Variants in KCNAB2 observed in about 807,000 individuals in gnomAD.
KCNAB2 encodes the protein voltage-gated potassium channel subunit beta-2.
KCNAB2 carries 29 observed loss-of-function variants against 63.6 expected under a neutral mutation model. The observed-to-expected ratio is 0.46, with a 90% CI of 0.34 to 0.62. The LOEUF is 0.62. KCNAB2 is among the 20% of genes least tolerant of loss of function. The pLI is 0.01. For missense variants in KCNAB2, 359 were observed against 563.9 expected (o/e 0.64, Z 3.68); for synonymous variants, 222 against 224.2 (o/e 0.99, Z 0.09).
intron 11 of KCNAB2, 24 bp downstream of exon 11, chr1:6,094,509 T>C: frequency 3.1e-6 from 5 of 1,588,242 alleles, no homozygotes; most frequent in Non-Finnish European, 4.3e-6. Flanking sequence ...GCAGCATGTG[T>C]GTGTCCAGGC....
chr1:6,085,537 A>C (rs1442651100), intron 6 of KCNAB2, among the ~76,000 whole-genome samples: 2 of 152,136 alleles, frequency 1.3e-5, no homozygotes, highest in East Asian at 3.9e-4. Context: ...CCCTGCTTGC[A>C]AAGTGTCAGG....
intron 1 of KCNAB2, among the ~76,000 whole-genome samples, chr1:5,996,802 A>T (rs1656967229): frequency 6.6e-6 from 1 of 152,168 alleles, no homozygotes; most frequent in Non-Finnish European, 1.5e-5. Flanking sequence ...AGCAGCCGAG[A>T]TCTATCATCC....
Position 6,086,059 on chromosome 1 carries a change from T to C in KCNAB2, c.425+811T>C. The C allele has an allele frequency of 1.0e-6, 1 of 985,446 alleles. No individual in the cohort carries two copies. The highest frequency in any genetic ancestry group is 1.2e-6 in the Non-Finnish European group (1 of 829,956). 61.0% of individuals were successfully genotyped at this position (985,446 alleles called of 1,614,324 possible). ...GGACCAACTGGGCTGAGCACTTGCCTACATTTTGAGGCTCCCCAGACCCCT... is the reference window on the plus strand; with the variant it reads ...GGACCAACTGGGCTGAGCACTTGCCCACATTTTGAGGCTCCCCAGACCCCT... On this transcript the variant is annotated intron_variant, in intron 6 of 15. Transcript: ENST00000378083. This position sits in a 1 kb window ranked among gnomAD's most constrained non-coding sequence, Gnocchi z 4.2.
intron 6 of KCNAB2, 150 bp downstream of exon 6, chr1:6,085,398 C>T: frequency 4.2e-6 from 3 of 721,640 alleles, no homozygotes; most frequent in Admixed American, 2.3e-5. Context: ...ATTCAGTTCT[C>T]CAAGAGTAGG....
chr1:6,040,730 C>T, intron 2 of KCNAB2: 1 of 845,218 alleles, frequency 1.2e-6, no homozygotes, highest in East Asian at 2.6e-5. Context: ...GTCCTCCCCT[C>T]TGGAGGTGGA....
rs555366098 is a variant in KCNAB2 at position 6,100,470 on chromosome 1, A to G, written c.*1896A>G. 2.7e-4 allele frequency: 42 copies of G among 156,830 alleles called. No individual in the cohort carries two copies. In the East Asian group the frequency reaches 7.9e-3, roughly 30 times the overall value. 9.7% of individuals were successfully genotyped at this position (156,830 alleles called of 1,614,324 possible). ...CCCGGACAGGGTCCTGCAGTGGCCA[A>G]TGGTGCCAGAGGGCAGGTGGCCCAC... On this transcript the variant is annotated 3_prime_UTR_variant, in exon 16 of 16. Coordinates refer to ENST00000378083, the MANE Select transcript of KCNAB2 (RefSeq NM_001199862.2).
At chr1:6,007,177 G>A (rs12067096) in intron 1 of KCNAB2, among the ~76,000 whole-genome samples, 1 of 146,998 alleles carries the variant, frequency 6.8e-6, no homozygotes, top group Non-Finnish European at 1.5e-5. Context: ...GTTACTGCCC[G>A]GGCCTCCCTG....
chr1:6,006,696 ATCCCCCACT>A (rs1557925648), intron 1 of KCNAB2, among the ~76,000 whole-genome samples: 28 of 38,974 alleles, frequency 7.2e-4, no homozygotes, highest in African/African-American at 1.4e-3. Context: ...CAGCTCCCAC[ATCCCCCACT>A]TCACCCTCAC....
intron 4 of KCNAB2, among the ~76,000 whole-genome samples, chr1:6,081,152 T>C (rs1462457714): frequency 6.6e-6 from 1 of 152,198 alleles, no homozygotes; most frequent in Non-Finnish European, 1.5e-5. Context: ...ACAGCAGCCA[T>C]GGAGCAAAGT....
rs192582567 is a variant in KCNAB2 at position 6,024,710 on chromosome 1, G to C, written c.-52-15807G>C. On this transcript the variant is annotated intron_variant, in intron 1 of 16. Coordinates refer to the KCNAB2 transcript ENST00000341524. The surrounding 1 kb of genome is among the most constrained non-coding windows in gnomAD (Gnocchi z 5.4). ...AGTCAGGGCAACATCTCCGTGCTGG[G>C]GGCCAAGAGGATAACGGCTGTTCTC... Among the ~76,000 whole-genome samples the C allele has an allele frequency of 4.9e-3, 743 of 152,262 alleles. 9 individuals carry two copies. The highest frequency in any genetic ancestry group is 0.017 in the African/African-American group (699 of 41,530).
At chr1:6,030,638 G>A (rs1355079646), upstream of KCNAB2, among the ~76,000 whole-genome samples, 1 of 137,960 alleles carries the variant, frequency 7.2e-6, no homozygotes, top group Non-Finnish European at 1.5e-5. Flanking sequence ...TGTGTGTGTA[G>A]GTATGTGTAT....
chr1:6,037,311 G>A (rs956680491), intron 1 of KCNAB2, among the ~76,000 whole-genome samples: 2 of 152,242 alleles, frequency 1.3e-5, no homozygotes, highest in Non-Finnish European at 1.5e-5. Context: ...TGGGCTACAT[G>A]CCCTGTTAAA....
rs1658564747 is a variant in KCNAB2, at chr1:6,017,333, C to T, written c.-52-23184C>T. On this transcript the variant is annotated intron_variant, in intron 1 of 16. Transcript: ENST00000341524. Reference sequence around the variant, plus strand: ...TGGCACGATCTTAGCTCACTGCAACCTGAGGCTCAGGCCATCCTCCCATCT... The same window carrying T: ...TGGCACGATCTTAGCTCACTGCAACTTGAGGCTCAGGCCATCCTCCCATCT... 2.0e-5 allele frequency among the ~76,000 whole-genome samples: 3 copies of T among 152,250 alleles called. No homozygotes were observed. The South Asian group carries it at 6.2e-4, about 32-fold the overall frequency.
intron 1 of KCNAB2, among the ~76,000 whole-genome samples, chr1:6,011,569 G>A (rs1658151624): frequency 6.6e-6 from 1 of 152,246 alleles, no homozygotes; most frequent in Admixed American, 6.5e-5. Flanking sequence ...AATGGCTCTG[G>A]ATGCCGAGCT....
intron 1 of KCNAB2, among the ~76,000 whole-genome samples, chr1:6,015,416 T>G (rs1658435292): frequency 6.6e-6 from 1 of 152,024 alleles, no homozygotes; most frequent in Non-Finnish European, 1.5e-5. Flanking sequence ...GTAAATAAGG[T>G]TTTATTGGAA....
intron 2 of KCNAB2, among the ~76,000 whole-genome samples, chr1:6,066,536 C>T (rs747687995): frequency 3.2e-4 from 48 of 152,134 alleles, no homozygotes; most frequent in Non-Finnish European, 6.5e-4. Flanking sequence ...TTCCTTCTGC[C>T]TCTGTTTTCT....
Position 6,096,492 on chromosome 1 carries a change from G to T in KCNAB2, c.949-144G>T. 1 of 1,147,340 alleles carries T rather than the reference G, an allele frequency of 8.7e-7. No individual in the cohort carries two copies. Among genetic ancestry groups the T allele is most frequent in the Non-Finnish European group, 1.2e-6 (1 of 825,734 alleles). The allele number at this position is 1,147,340 out of a possible 1,614,324, so 71.1% of individuals were successfully genotyped here. ...CCCCTACTTGAGAGGCCTGGGGCAG[G>T]GGCACTGCCCTGGCTTCAAGATGAG... On this transcript the variant is annotated intron_variant, in intron 13 of 15. Coordinates refer to ENST00000378083, the MANE Select transcript of KCNAB2 (RefSeq NM_001199862.2). The surrounding 1 kb of genome is among the most constrained non-coding windows in gnomAD (Gnocchi z 5.9).
intron 7 of KCNAB2, among the ~76,000 whole-genome samples, chr1:6,088,216 CTT>C (rs1409917317): frequency 6.9e-6 from 1 of 145,896 alleles, no homozygotes; most frequent in African/African-American, 2.5e-5. Flanking sequence ...CTAATTTGTC[CTT>C]TTTCTCTCTC....
intron 1 of KCNAB2, among the ~76,000 whole-genome samples, chr1:6,029,264 C>T (rs1351593603): frequency 7.1e-6 from 1 of 140,918 alleles, no homozygotes; most frequent in Non-Finnish European, 1.5e-5. Context: ...GCCCGGGCGA[C>T]TGAAGAGACT....
Sources: allele counts gnomAD v4.1 joint callset (sites outside exome capture counted in the v4.1 genomes callset), GRCh38; gene constraint gnomAD v4.1.1; non-coding constraint Gnocchi (gnomAD v3.1); transcripts MANE v1.5; gene names NCBI Gene and HGNC (gene_info 2026-07-23, HGNC 2026-07-21).